Variants in GRIN1 observed in about 807,000 individuals in gnomAD.
The protein encoded by GRIN1 is glutamate receptor ionotropic, NMDA 1.
A neutral mutation model predicts 103.0 loss-of-function variants in GRIN1; 38 were observed. That is an observed-to-expected ratio of 0.37 (90% CI 0.28 to 0.48). The LOEUF (loss-of-function observed/expected upper bound fraction) is 0.48. Among genes scored for constraint, GRIN1 ranks in the 20% least tolerant of loss-of-function variants. The pLI, the probability that GRIN1 is intolerant of heterozygous loss-of-function variation, is 0.98. For missense variants in GRIN1, 577 were observed against 1,288.9 expected, an observed-to-expected ratio of 0.45 and a Z score of 8.46; for synonymous variants, 544 against 532.7, an observed-to-expected ratio of 1.02 and a Z score of -0.29.
At chr9:137,161,887 C>T in intron 10 of GRIN1, 37 bp from the exon 11 acceptor site, 3 of 1,545,874 alleles carry the variant, frequency 1.9e-6, no homozygotes, top group Non-Finnish European at 1.7e-6. Flanking sequence ...GCTGGGAGGA[C>T]GCTGCCTGCA....
At chr9:137,148,117 G>A in intron 3 of GRIN1, 1 of 1,333,016 alleles carries the variant, frequency 7.5e-7, no homozygotes, top group Non-Finnish European at 1.1e-6. Flanking sequence ...CTTCTTCTGT[G>A]TCTGCATATT....
intron 2 of GRIN1, among the ~76,000 whole-genome samples, chr9:137,144,422 A>G (rs916094640): frequency 1.3e-5 from 2 of 151,446 alleles, no homozygotes; most frequent in African/African-American, 4.9e-5. Context: ...TGGGAGGCCG[A>G]GGCGGGCGGA....
At chr9:137,144,561 A>T (rs546804399) in intron 2 of GRIN1, among the ~76,000 whole-genome samples, 56 of 151,998 alleles carry the variant, frequency 3.7e-4, no homozygotes, top group South Asian at 3.1e-3. Flanking sequence ...AGGCTGAGGC[A>T]GGAGAATGGT....
chr9:137,143,390 C>T (rs986067709), intron 2 of GRIN1, among the ~76,000 whole-genome samples: 6 of 152,262 alleles, frequency 3.9e-5, no homozygotes, highest in Admixed American at 3.9e-4. Context: ...GTGACTTCAC[C>T]TCTGGCCATG....
At chr9:137,143,890 AG>A (rs963290453) in intron 2 of GRIN1, among the ~76,000 whole-genome samples, 1 of 152,172 alleles carries the variant, frequency 6.6e-6, no homozygotes, top group African/African-American at 2.4e-5. Context: ...ACTGAGGCAG[AG>A]GGGGGCAGAG....
In GRIN1 at chr9:137,149,069, G is replaced by A. The variant is rs768760751; in HGVS notation, c.631G>A (p.Ala211Thr). ...GAACGTGACGGCCCTGCTGATGGAG[G>A]CGAAAGAGCTGGAGGCCCGGGTCAT... ...TKNVTALLME[A>T]KELEARVIIL... Residue 211 changes from alanine to threonine, a missense_variant, in exon 4 of 20, where the codon GCG becomes ACG. Ala to Thr is a moderately conservative substitution (Grantham distance 58). This residue lies in a region of GRIN1 where 308 missense variants were observed against 553.6 expected (regional missense o/e 0.56). Coordinates refer to ENST00000371561, the MANE Select transcript of GRIN1 (RefSeq NM_007327.4). The A allele has an allele frequency of 1.2e-6, 2 of 1,613,410 alleles. No homozygotes were observed. The highest frequency in any genetic ancestry group is 1.7e-6 in the Non-Finnish European group (2 of 1,179,674).
At chr9:137,153,212 T>TAC (rs1300117203) in intron 4 of GRIN1, among the ~76,000 whole-genome samples, 1 of 129,910 alleles carries the variant, frequency 7.7e-6, no homozygotes, top group Admixed American at 7.6e-5. Context: ...ACACAACACA[T>TAC]ACACATGTGC....
intron 19 of GRIN1, chr9:137,165,566 T>C: frequency 1.9e-6 from 1 of 521,386 alleles, no homozygotes; most frequent in Non-Finnish European, 3.5e-6. Flanking sequence ...CACGCCATCT[T>C]GAAGCCTGTC....
chr9:137,144,341 G>T (rs1183824210), intron 2 of GRIN1, among the ~76,000 whole-genome samples: 2 of 148,058 alleles, frequency 1.4e-5, no homozygotes, highest in African/African-American at 5.3e-5. Context: ...GAAAAAGGAG[G>T]GGTCCCAGTG....
chr9:137,145,446 G>A (rs1424606772), intron 2 of GRIN1, among the ~76,000 whole-genome samples: 55 of 128,500 alleles, frequency 4.3e-4, no homozygotes, highest in Admixed American at 1.1e-3. Context: ...TGGGAGACAC[G>A]AGGGGGTCCC....
chr9:137,167,263 T>C lies in GRIN1; in HGVS notation c.2701-148T>C. 7.6e-6 allele frequency: 5 copies of C among 656,348 alleles called. No individual in the cohort carries two copies. The South Asian group carries it at 8.8e-5, about 12-fold the overall frequency. 40.7% of individuals were successfully genotyped at this position (656,348 alleles called of 1,614,324 possible). The stretch of plus-strand genomic sequence containing the variant: ...AGGGAGGCGTGGGTGGGGGGCTCCT[T>C]TGGGTAGGGTGGGGTCAGTCCGGCT... On this transcript the variant is annotated intron_variant, in intron 19 of 19. Coordinates refer to ENST00000371561, the MANE Select transcript of GRIN1 (RefSeq NM_007327.4).
intron 1 of GRIN1, among the ~76,000 whole-genome samples, chr9:137,140,124 G>C (rs1458826838): frequency 6.6e-6 from 1 of 152,204 alleles, no homozygotes; most frequent in Non-Finnish European, 1.5e-5. Context: ...ACGGGGCCTG[G>C]GGCCATCTTT....
In GRIN1 at chr9:137,167,444, CA is replaced by C; in HGVS notation, c.2739del (p.Asp914ThrfsTer141). 2 of 1,560,420 alleles carry C rather than the reference CA, an allele frequency of 1.3e-6. No homozygotes were observed. The highest frequency in any genetic ancestry group is 8.7e-7 in the Non-Finnish European group (1 of 1,152,338). On this transcript the variant is annotated frameshift_variant, in exon 20 of 20. Coordinates refer to ENST00000371561, the MANE Select transcript of GRIN1 (RefSeq NM_007327.4). LOFTEE classifies it high-confidence loss of function. The part of the protein sequence containing the change: ...TGGGRGALQN[Q>X]KDTVLPRRAI... ...GGGTGGACGCGGCGCTTTGCAAAAC[CA>C]AAAAGACACAGTGCTGCCGCGACGC... is the stretch of plus-strand genomic sequence containing the variant.
In GRIN1 at chr9:137,161,253, T is replaced by C. The variant is rs11146025; in HGVS notation, c.1340-36T>C. 14 of 1,610,584 alleles carry C rather than the reference T, an allele frequency of 8.7e-6. No individual in the cohort carries two copies. The East Asian group carries it at 1.3e-4, about 15-fold the overall frequency. Reference sequence around the variant, plus strand: ...GGGCAGGGCGCGGGGCGTGGGGCGGTCTGGAGCCCAGCAGTTACCGCCCGC... The same window carrying C: ...GGGCAGGGCGCGGGGCGTGGGGCGGCCTGGAGCCCAGCAGTTACCGCCCGC... On this transcript the variant is annotated intron_variant, in intron 9 of 19. Transcript: ENST00000371561.
At chr9:137,166,909 A>C (rs1340118812) in intron 19 of GRIN1, among the ~76,000 whole-genome samples, 1 of 152,216 alleles carries the variant, frequency 6.6e-6, no homozygotes, top group East Asian at 1.9e-4. Flanking sequence ...TGGGGCAGGC[A>C]GCCACGGGGG....
chr9:137,147,041 TCC>T (rs66478167), intron 3 of GRIN1, among the ~76,000 whole-genome samples: 1 of 91,000 alleles, frequency 1.1e-5, no homozygotes, highest in Non-Finnish European at 2.3e-5. Context: ...GACAGGCCCC[TCC>T]CCCCCAGCAC....
At chr9:137,157,207 G>T (rs1199626205) in intron 6 of GRIN1, among the ~76,000 whole-genome samples, 170 bp downstream of exon 6, 4 of 119,670 alleles carry the variant, frequency 3.3e-5, no homozygotes, top group African/African-American at 1.3e-4. Flanking sequence ...CTGGGGGAGC[G>T]CTCCTCAAGA....
chr9:137,145,935 G>T, intron 3 of GRIN1, 33 bp downstream of exon 3: 1 of 1,527,638 alleles, frequency 6.5e-7, no homozygotes, highest in East Asian at 2.4e-5. Context: ...GGCGCCTGGC[G>T]GAGCCGAGGT....
chr9:137,162,503 C>A lies in GRIN1; in HGVS notation c.1851C>A (p.Ser617=), dbSNP rs555866770. 1 of 1,611,820 alleles carries A rather than the reference C, an allele frequency of 6.2e-7. No homozygotes were observed. The highest frequency in any genetic ancestry group is 1.7e-5 in the Admixed American group (1 of 59,988). ...MWFSWGVLLN[S]GIGEGAPRSF... ...TCTCCTGGGGCGTCCTGCTCAACTCCGGCATCGGGGAAGGTAAGGCCCCGC... is the reference window on the plus strand; with the variant it reads ...TCTCCTGGGGCGTCCTGCTCAACTCAGGCATCGGGGAAGGTAAGGCCCCGC... Residue 617 remains serine (S), a synonymous_variant, in exon 13 of 20, where the codon TCC becomes TCA. Coordinates refer to ENST00000371561, the MANE Select transcript of GRIN1 (RefSeq NM_007327.4).
Sources: allele counts gnomAD v4.1 joint callset (sites outside exome capture counted in the v4.1 genomes callset), GRCh38; gene constraint gnomAD v4.1.1; regional missense constraint gnomAD v4.1.1; transcripts MANE v1.5; gene names NCBI Gene and HGNC (gene_info 2026-07-23, HGNC 2026-07-21).